Variants in NBEAL1 observed in about 807,000 individuals in gnomAD.
The protein encoded by NBEAL1 is neurobeachin like 1, also known as neurobeachin-like protein 1.
In NBEAL1, 273 loss-of-function variants were observed where a neutral mutation model predicts 351.3. That is an observed-to-expected ratio of 0.78 (90% CI 0.70 to 0.86). The LOEUF is 0.86. NBEAL1 is among the 40% of genes least tolerant of loss of function. The pLI is 0.00. For missense variants in NBEAL1, 2,961 were observed against 3,201.3 expected (o/e 0.92, Z 1.81); for synonymous variants, 1,050 against 1,086.4 (o/e 0.97, Z 0.66).
intron 36 of NBEAL1, among the ~76,000 whole-genome samples, chr2:203,164,782 AT>A (rs1434928222): frequency 6.6e-6 from 1 of 152,120 alleles, no homozygotes; most frequent in Non-Finnish European, 1.5e-5. Context: ...CAGATATGAA[AT>A]GTCTAGGACC....
At chr2:203,114,096 A>G (rs1348736954) in intron 17 of NBEAL1, among the ~76,000 whole-genome samples, 1 of 152,000 alleles carries the variant, frequency 6.6e-6, no homozygotes, top group Non-Finnish European at 1.5e-5. Context: ...TGCTGGGATT[A>G]CAGGCGTGAG....
intron 38 of NBEAL1, among the ~76,000 whole-genome samples, chr2:203,169,481 A>G (rs553587106): frequency 6.6e-6 from 1 of 151,654 alleles, no homozygotes; most frequent in African/African-American, 2.4e-5. Context: ...TGGGAGGATC[A>G]CTTGTTGTCC....
chr2:203,040,826 G>A, intron 2 of NBEAL1: 1 of 480,260 alleles, frequency 2.1e-6, no homozygotes. Flanking sequence ...AATATAGTGG[G>A]CTTCCTCAAG....
intron 18 of NBEAL1, among the ~76,000 whole-genome samples, chr2:203,117,071 C>T (rs995266401): frequency 1.4e-4 from 22 of 152,042 alleles, no homozygotes; most frequent in African/African-American, 5.1e-4. Flanking sequence ...CACTGCTCTC[C>T]AGCCTGGGTG....
chr2:203,177,128 G>C (rs964023683), intron 42 of NBEAL1, among the ~76,000 whole-genome samples: 1 of 147,950 alleles, frequency 6.8e-6, no homozygotes, highest in Non-Finnish European at 1.5e-5. Flanking sequence ...TCCAGACTGG[G>C]TGACACAGCA....
At chr2:203,026,163 G>T (rs1205339549) in intron 2 of NBEAL1, among the ~76,000 whole-genome samples, 1 of 152,130 alleles carries the variant, frequency 6.6e-6, no homozygotes, top group African/African-American at 2.4e-5. Flanking sequence ...AGGTTTTCCT[G>T]TTATGTTAGC....
intron 33 of NBEAL1, among the ~76,000 whole-genome samples, chr2:203,146,603 G>A (rs1044488365): frequency 2.0e-5 from 3 of 152,048 alleles, no homozygotes; most frequent in Non-Finnish European, 4.4e-5. Flanking sequence ...CACCAGCCTT[G>A]GTAACATAGG....
intron 39 of NBEAL1, among the ~76,000 whole-genome samples, chr2:203,170,514 T>G (rs2064287082): frequency 6.6e-6 from 1 of 152,148 alleles, no homozygotes; most frequent in African/African-American, 2.4e-5. Context: ...TCTCATGAAT[T>G]ATATTCTTAT....
chr2:203,122,013 T>C (rs1021932917), intron 18 of NBEAL1, among the ~76,000 whole-genome samples: 3 of 152,104 alleles, frequency 2.0e-5, no homozygotes, highest in African/African-American at 7.2e-5. Context: ...TTCGAACTCC[T>C]AACCTCAGGT....
At chr2:203,077,909 A>G (rs373725630) in intron 8 of NBEAL1, 72 bp downstream of exon 8, 2 of 753,844 alleles carry the variant, frequency 2.7e-6, no homozygotes, top group Non-Finnish European at 3.9e-6. Flanking sequence ...TAGATTTAGT[A>G]TGTTCTTTGT....
chr2:203,165,594 G>A (rs980109966), intron 36 of NBEAL1, among the ~76,000 whole-genome samples: 4 of 152,048 alleles, frequency 2.6e-5, no homozygotes, highest in African/African-American at 9.7e-5. Context: ...ATTATAATGG[G>A]TCATATAAAA....
Position 203,089,130 on chromosome 2 carries a change from A to G in NBEAL1, c.1098+4561A>G, listed in dbSNP as rs560556257. 1.3e-3 allele frequency among the ~76,000 whole-genome samples: 198 copies of G among 152,202 alleles called. 1 individual carries two copies. The highest frequency in any genetic ancestry group is 4.3e-3 in the African/African-American group (178 of 41,534). ...TCCCAGCACTTTGGGAGGCCGAGGC[A>G]GGCAGATCATCTGAGGTCAGGAGTT... is the stretch of plus-strand genomic sequence containing the variant. On this transcript the variant is annotated intron_variant, in intron 10 of 55. Transcript: ENST00000683969.
At chr2:203,215,498 A>C (rs2065881226) in intron 55 of NBEAL1, among the ~76,000 whole-genome samples, 1 of 151,630 alleles carries the variant, frequency 6.6e-6, no homozygotes, top group Non-Finnish European at 1.5e-5. Flanking sequence ...ACAGACCAAG[A>C]CTCCATCTCA....
chr2:203,170,489 A>T (rs1209077669), intron 39 of NBEAL1, among the ~76,000 whole-genome samples: 1 of 152,214 alleles, frequency 6.6e-6, no homozygotes, highest in East Asian at 1.9e-4. Context: ...CCTACCAGCC[A>T]AAGTGAATTA....
rs2062846217 is a variant in NBEAL1 at position 203,122,136 on chromosome 2, G to A, written c.2593-118G>A. 5.3e-6 allele frequency: 3 copies of A among 564,388 alleles called. No individual in the cohort carries two copies. The South Asian group carries it at 7.5e-5, about 14-fold the overall frequency. The allele number at this position is 564,388 out of a possible 1,614,324, so 35.0% of individuals were successfully genotyped here. A position where few individuals can be genotyped will look rare whatever the true frequency, so the allele number is the denominator to read the frequency against. Reference sequence around the variant, plus strand: ...AGCAATACTAAAATTCATATTATGGGCATCTTATCTTTGACTATCCTATAT... The same window carrying A: ...AGCAATACTAAAATTCATATTATGGACATCTTATCTTTGACTATCCTATAT... On this transcript the variant is annotated intron_variant, in intron 18 of 55. Transcript: ENST00000683969.
Position 203,144,786 on chromosome 2 carries a change from C to G in NBEAL1, c.5035C>G (p.Leu1679Val). 6.2e-7 allele frequency: 1 copy of G among 1,614,124 alleles called. No individual in the cohort carries two copies. The highest frequency in any genetic ancestry group is 8.5e-7 in the Non-Finnish European group (1 of 1,179,980). ...VRTLVSKIYE[L>V]LFMNLHLPSL... ...TACCCTGGTTTCCAAAATTTATGAG[C>G]TTCTCTTCATGAACTTGCACCTACC... Residue 1679 changes from leucine to valine, a missense_variant, in exon 32 of 56, where the codon CTT becomes GTT. Leu to Val is a conservative substitution (Grantham distance 32, BLOSUM62 1). Coordinates refer to ENST00000683969, the MANE Select transcript of NBEAL1 (RefSeq NM_001378026.1).
At chr2:203,197,045 G>T (rs993911938) in intron 47 of NBEAL1, among the ~76,000 whole-genome samples, 1 of 152,084 alleles carries the variant, frequency 6.6e-6, no homozygotes, top group African/African-American at 2.4e-5. Flanking sequence ...TTAAATTATT[G>T]CTGCTCTTTG....
At chr2:203,020,583 A>G (rs2060752693) in intron 2 of NBEAL1, among the ~76,000 whole-genome samples, 1 of 151,870 alleles carries the variant, frequency 6.6e-6, no homozygotes, top group South Asian at 2.1e-4. Context: ...AGGCAGGAGA[A>G]TCGCTTGAAC....
intron 33 of NBEAL1, among the ~76,000 whole-genome samples, chr2:203,146,000 A>T (rs2063503422): frequency 6.6e-6 from 1 of 151,912 alleles, no homozygotes; most frequent in African/African-American, 2.4e-5. Flanking sequence ...GATTGACAAA[A>T]AAAAAAAGGA....
Sources: allele counts gnomAD v4.1 joint callset (sites outside exome capture counted in the v4.1 genomes callset), GRCh38; gene constraint gnomAD v4.1.1; transcripts MANE v1.5; gene names NCBI Gene and HGNC (gene_info 2026-07-23, HGNC 2026-07-21).